Variants in AASS observed in about 807,000 individuals in gnomAD.
The protein encoded by AASS is alpha-aminoadipic semialdehyde synthase, mitochondrial.
Under a neutral mutation model 105.4 loss-of-function variants are expected in AASS, and 86 were observed. That is an observed-to-expected ratio of 0.82 (90% CI 0.69 to 0.98). The LOEUF is 0.98. AASS is among the 50% of genes least tolerant of loss of function. The probability of loss-of-function intolerance (pLI) is 0.00; values close to 1 mark genes in which losing one functional copy is unlikely to be tolerated. For missense variants in AASS, 1,048 were observed against 1,143.2 expected, an observed-to-expected ratio of 0.92 and a Z score of 1.20; for synonymous variants, 381 against 394.8, an observed-to-expected ratio of 0.96 and a Z score of 0.41.
At chr7:122,078,992 A>ACATG in intron 21 of AASS, 42 bp from the exon 22 acceptor site, 1 of 1,613,702 alleles carries the variant, frequency 6.2e-7, no homozygotes, top group Non-Finnish European at 8.5e-7. Context: ...CAAGTCCTAT[A>ACATG]CATGTTCTCA....
chr7:122,104,527 C>G (rs1319651265), intron 11 of AASS, among the ~76,000 whole-genome samples: 2 of 152,006 alleles, frequency 1.3e-5, no homozygotes, highest in Non-Finnish European at 2.9e-5. Context: ...ACCCAGGAGG[C>G]AGAGGTTTGT....
intron 22 of AASS, 40 bp downstream of exon 22, chr7:122,078,822 T>A (rs750804318): frequency 2.6e-6 from 4 of 1,564,860 alleles, no homozygotes; most frequent in Non-Finnish European, 3.5e-6. Flanking sequence ...TATCTTATGA[T>A]TCTTCTTTAG....
At chr7:122,079,159 C>G in intron 21 of AASS, 1 of 1,453,036 alleles carries the variant, frequency 6.9e-7, no homozygotes, top group Non-Finnish European at 9.0e-7. Context: ...CCAGGCACTG[C>G]TCCCTGGAGC....
At chr7:122,092,683 C>T (rs929744915) in intron 17 of AASS, among the ~76,000 whole-genome samples, 160 bp downstream of exon 17, 4 of 151,568 alleles carry the variant, frequency 2.6e-5, no homozygotes, top group East Asian at 1.9e-4. Flanking sequence ...GAGATTGTGC[C>T]GTTGCACTCC....
intron 13 of AASS, 86 bp from the exon 14 acceptor site, chr7:122,098,952 A>G: frequency 7.3e-7 from 1 of 1,364,920 alleles, no homozygotes; most frequent in Non-Finnish European, 9.7e-7. Context: ...CATTCCACAA[A>G]TCATACTAAA....
intron 22 of AASS, among the ~76,000 whole-genome samples, chr7:122,078,564 T>C (rs1302035331): frequency 2.0e-5 from 3 of 152,160 alleles, no homozygotes; most frequent in Non-Finnish European, 2.9e-5. Flanking sequence ...TGAGCCGAGA[T>C]GGAGCCACTG....
At chr7:122,077,751 G>T (rs993503401) in intron 23 of AASS, 87 bp downstream of exon 23, 1 of 1,499,826 alleles carries the variant, frequency 6.7e-7, no homozygotes, top group Non-Finnish European at 9.3e-7. Context: ...CCTGTGTTAC[G>T]CTCAAGAGCA....
At chr7:122,097,118 A>G (rs1327265264) in intron 15 of AASS, among the ~76,000 whole-genome samples, 1 of 152,068 alleles carries the variant, frequency 6.6e-6, no homozygotes. Flanking sequence ...AAAGATATCA[A>G]GAGAAATGTA....
chr7:122,113,573 C>A, intron 10 of AASS, 25 bp downstream of exon 10: 2 of 1,612,128 alleles, frequency 1.2e-6, no homozygotes, highest in Non-Finnish European at 1.7e-6. Flanking sequence ...TGAGGAATAT[C>A]ATCTAACAAC....
intron 11 of AASS, 39 bp downstream of exon 11, chr7:122,113,079 A>G: frequency 6.7e-7 from 1 of 1,499,986 alleles, no homozygotes; most frequent in Non-Finnish European, 9.3e-7. Flanking sequence ...ATTCAATTTA[A>G]AGCCACAGAG....
At chr7:122,120,256 G>A (rs1380288632) in intron 4 of AASS, among the ~76,000 whole-genome samples, 2 of 152,004 alleles carry the variant, frequency 1.3e-5, no homozygotes, top group Non-Finnish European at 2.9e-5. Flanking sequence ...AATTTAGTTT[G>A]TACCTTGATA....
At chr7:122,078,446 T>C (rs914961191) in intron 22 of AASS, among the ~76,000 whole-genome samples, 2 of 152,016 alleles carry the variant, frequency 1.3e-5, no homozygotes, top group Non-Finnish European at 2.9e-5. Flanking sequence ...ACCTTGTCTC[T>C]ACTAAAAATA....
chr7:122,118,651 TA>T, intron 4 of AASS, 21 bp from the exon 5 acceptor site: 1 of 1,610,480 alleles, frequency 6.2e-7, no homozygotes, highest in Non-Finnish European at 8.5e-7. Context: ...ATCAGACCAA[TA>T]GAAAGACTAT....
rs1793919295 is a variant in AASS, at chr7:122,091,858, A to G, written c.1876-15T>C. The G allele has an allele frequency of 6.4e-7, 1 of 1,552,356 alleles. No homozygotes were observed. ...TATGATTCAATCTATAAATTAAAGA[A>G]TCAATAAATAAGGAAGAATTCACAA... On this transcript the variant is annotated splice_polypyrimidine_tract_variant and intron_variant, in intron 17 of 23. Transcript: ENST00000417368.
intron 1 of AASS, among the ~76,000 whole-genome samples, chr7:122,136,983 T>C (rs1018406408): frequency 6.6e-6 from 1 of 152,180 alleles, no homozygotes. Context: ...GCCAACTATC[T>C]TGGAAGACTA....
At chr7:122,079,284 G>A in intron 21 of AASS, 3 of 1,345,074 alleles carry the variant, frequency 2.2e-6, no homozygotes, top group Non-Finnish European at 2.9e-6. Flanking sequence ...GCGGTCATAT[G>A]AAAGAATGTT....
At chr7:122,119,116 A>C (rs1795324748) in intron 4 of AASS, among the ~76,000 whole-genome samples, 1 of 152,160 alleles carries the variant, frequency 6.6e-6, no homozygotes, top group South Asian at 2.1e-4. Context: ...CTCAGTGAAC[A>C]CATTGTAGAT....
At chr7:122,112,371 A>C (rs958000144) in intron 11 of AASS, among the ~76,000 whole-genome samples, 4 of 152,194 alleles carry the variant, frequency 2.6e-5, no homozygotes, top group African/African-American at 9.6e-5. Flanking sequence ...AGGAAAAAGA[A>C]AGGGTCAAAA....
At chr7:122,082,305 C>T (rs1444927168) in intron 19 of AASS, among the ~76,000 whole-genome samples, 1 of 152,112 alleles carries the variant, frequency 6.6e-6, no homozygotes, top group Non-Finnish European at 1.5e-5. Context: ...TTCACTATTC[C>T]CCAAATGTGC....
Sources: gnomAD v4.1 joint callset for allele counts (sites outside exome capture counted in the v4.1 genomes callset) on GRCh38, gnomAD v4.1.1 for gene constraint, MANE v1.5 for transcripts, NCBI Gene and HGNC (gene_info 2026-07-23, HGNC 2026-07-21) for gene names.